The following CEACAM18 variants were observed in gnomAD, a reference collection of about 807,000 sequenced individuals.
The protein encoded by CEACAM18 is cell adhesion molecule CEACAM18.
CEACAM18 carries 33 observed loss-of-function variants against 34.3 expected under a neutral mutation model. The ratio of observed to expected loss-of-function variants is 0.96; its 90% CI spans 0.73 to 1.29. The LOEUF (loss-of-function observed/expected upper bound fraction) is 1.29. CEACAM18 is among the 50% of genes most tolerant of loss of function. The pLI, the probability that CEACAM18 is intolerant of heterozygous loss-of-function variation, is 0.00. For synonymous variants in CEACAM18, 169 were observed against 180.9 expected, an observed-to-expected ratio of 0.93 and a Z score of 0.53; for missense variants, 474 against 485.0, an observed-to-expected ratio of 0.98 and a Z score of 0.21.
At chr19:51,483,051 T>C (rs759116407) in exon 4 of CEACAM18, 6 of 1,613,990 alleles carry the variant, frequency 3.7e-6, no homozygotes, top group Non-Finnish European at 5.1e-6. Context: ...GGAGCAATCC[T>C]GATGATTTCA....
chr19:51,490,733 C>T, exon 6 of CEACAM18: 1 of 799,322 alleles, frequency 1.3e-6, no homozygotes, highest in Non-Finnish European at 1.7e-6. Context: ...TTGGAGGGTA[C>T]TGGCAAGAGA....
chr19:51,480,467 T>C (rs766957767), exon 2 of CEACAM18: 1 of 1,613,794 alleles, frequency 6.2e-7, no homozygotes, highest in Non-Finnish European at 8.5e-7. Context: ...CAGCTGGTAC[T>C]GGGGTGCAAA....
chr19:51,478,983 G>A (rs77002528), intron 1 of CEACAM18, among the ~76,000 whole-genome samples: 1 of 150,578 alleles, frequency 6.6e-6, no homozygotes, highest in Non-Finnish European at 1.5e-5. Context: ...CACACACAGA[G>A]AGAGAGAGAG....
chr19:51,481,670 G>A lies in CEACAM18; in HGVS notation c.673+5G>A. On this transcript the variant is annotated splice_donor_5th_base_variant and intron_variant, in intron 3 of 5. Transcript: ENST00000396477. ...GCATCTCTCTGACTGTGGCCTGTGA[G>A]TGGTCTGGGCTCCTGGGACTGAAGC... is the stretch of plus-strand genomic sequence containing the variant. 4 of 1,608,796 alleles carry A rather than the reference G, an allele frequency of 2.5e-6. No homozygotes were observed. The highest frequency in any genetic ancestry group is 3.4e-6 in the Non-Finnish European group (4 of 1,176,138).
At chr19:51,490,648 G>C in exon 6 of CEACAM18, 1 of 1,232,202 alleles carries the variant, frequency 8.1e-7, no homozygotes. Flanking sequence ...AGGGCAAGCA[G>C]GTGAGGAGAG....
chr19:51,490,309 C>A (rs925069148), intron 5 of CEACAM18, among the ~76,000 whole-genome samples: 4 of 152,178 alleles, frequency 2.6e-5, no homozygotes, highest in Non-Finnish European at 4.4e-5. Context: ...ATTAGGCCAA[C>A]AGTGCCCACT....
chr19:51,490,596 G>A (rs1990073922), exon 6 of CEACAM18: 7 of 1,232,238 alleles, frequency 5.7e-6, no homozygotes, highest in African/African-American at 1.6e-5. Context: ...GGACAAATCG[G>A]GCTCCATGAG....
At chr19:51,482,964 G>T in intron 3 of CEACAM18, 53 bp from the exon 4 acceptor site, 1 of 1,585,776 alleles carries the variant, frequency 6.3e-7, no homozygotes. Flanking sequence ...TTCATGAGAC[G>T]GGACGCCGAG....
At chr19:51,483,167 A>G in exon 4 of CEACAM18, 2 of 1,613,884 alleles carry the variant, frequency 1.2e-6, no homozygotes, top group South Asian at 1.1e-5. Context: ...TCCCTCCTGA[A>G]CTTCTCAGAT....
exon 6 of CEACAM18, chr19:51,490,879 A>G (rs1160168270): frequency 2.7e-6 from 1 of 373,902 alleles, no homozygotes; most frequent in East Asian, 3.8e-5. Context: ...AGAGCTGGTC[A>G]ATGGGTTGCA....
At chr19:51,487,494 C>T (rs1014184964) in intron 5 of CEACAM18, among the ~76,000 whole-genome samples, 26 of 151,906 alleles carry the variant, frequency 1.7e-4, no homozygotes, top group African/African-American at 5.8e-4. Context: ...AGGCCAGGCA[C>T]AGTGGCTGAA....
At position 51,481,406 on chromosome 19, in the gene CEACAM18, T is replaced by G. The variant is rs115338704; in HGVS notation, c.414T>G (p.Asn138Lys). 1.7e-3 allele frequency: 2,704 copies of G among 1,613,848 alleles called. 43 individuals are homozygous for G. The African/African-American group carries it at 0.03, about 18-fold the overall frequency. ...TGCTTCACCCAGAGTTGGGAAGCAA[T>G]CTGGGCATCTCCGTCAATGCCAGCT... The change falls in exon 3 of 6, where the codon AAT (asparagine) becomes AAG (lysine). Residue 138 changes from asparagine (N) to lysine (K), a missense_variant. Physicochemically the swap from Asn to Lys is moderately conservative, Grantham distance 94 (BLOSUM62 0). Transcript: ENST00000396477.
At chr19:51,485,836 C>T (rs915589555) in intron 5 of CEACAM18, among the ~76,000 whole-genome samples, 1 of 152,216 alleles carries the variant, frequency 6.6e-6, no homozygotes, top group South Asian at 2.1e-4. Flanking sequence ...AGCCGCATAA[C>T]TGGCCTTTTT....
At chr19:51,484,848 C>T in intron 4 of CEACAM18, 139 bp from the exon 5 acceptor site, 2 of 1,091,044 alleles carry the variant, frequency 1.8e-6, no homozygotes, top group Non-Finnish European at 2.6e-6. Flanking sequence ...TGCTGAATCC[C>T]TCGTACCTGG....
At chr19:51,479,735 C>T (rs1000199612) in intron 1 of CEACAM18, among the ~76,000 whole-genome samples, 4 of 152,028 alleles carry the variant, frequency 2.6e-5, no homozygotes, top group Non-Finnish European at 4.4e-5. Flanking sequence ...GAGTCCCTGC[C>T]GGGAATGGGG....
chr19:51,490,908 G>A, exon 6 of CEACAM18: 1 of 340,688 alleles, frequency 2.9e-6, no homozygotes. Flanking sequence ...CGGGCCATGC[G>A]CAAAGCTGGG....
chr19:51,487,768 G>T (rs1182250309), intron 5 of CEACAM18, among the ~76,000 whole-genome samples: 1 of 152,150 alleles, frequency 6.6e-6, no homozygotes, highest in African/African-American at 2.4e-5. Context: ...GGGCGACAGT[G>T]CGAGACTCCA....
At chr19:51,480,343 G>A in exon 2 of CEACAM18, 1 of 1,607,502 alleles carries the variant, frequency 6.2e-7, no homozygotes, top group African/African-American at 1.3e-5. Flanking sequence ...CCAGTCTGCT[G>A]GCCTGTGGGA....
chr19:51,481,811 A>G, intron 3 of CEACAM18, 146 bp downstream of exon 3: 1 of 821,596 alleles, frequency 1.2e-6, no homozygotes, highest in East Asian at 2.7e-5. Flanking sequence ...GAATCAGCTC[A>G]GGCTCTTGAG....
Sources: allele counts gnomAD v4.1 joint callset (sites outside exome capture counted in the v4.1 genomes callset), GRCh38; gene constraint gnomAD v4.1.1; transcripts MANE v1.5; gene names NCBI Gene and HGNC (gene_info 2026-07-23, HGNC 2026-07-21).